Variants in PPP5C observed in about 807,000 individuals in gnomAD.
PPP5C encodes serine/threonine-protein phosphatase 5.
PPP5C carries 21 observed loss-of-function variants against 66.7 expected under a neutral mutation model. The observed-to-expected ratio is 0.31, with a 90% CI of 0.22 to 0.45. The LOEUF is 0.45. Ranked by LOEUF, PPP5C falls within the 20% of genes least tolerant of loss-of-function variation. The pLI is 1.00. For synonymous variants in PPP5C, 246 were observed against 257.4 expected (o/e 0.96, Z 0.43); for missense variants, 464 against 675.9 (o/e 0.69, Z 3.48).
intron 2 of PPP5C, among the ~76,000 whole-genome samples, chr19:46,375,319 C>A (rs1385426832): frequency 4.6e-5 from 7 of 152,208 alleles, no homozygotes; most frequent in Non-Finnish European, 7.3e-5. Context: ...TCTCACAGGG[C>A]ACCTGAAGCT....
intron 2 of PPP5C, among the ~76,000 whole-genome samples, chr19:46,363,020 C>A (rs1231149649): frequency 6.6e-6 from 1 of 151,054 alleles, no homozygotes; most frequent in African/African-American, 2.4e-5. Context: ...ATCTCCTGAC[C>A]TCGTGATCCG....
At chr19:46,387,337 C>T in intron 8 of PPP5C, 29 bp from the exon 9 acceptor site, 1 of 1,607,228 alleles carries the variant, frequency 6.2e-7, no homozygotes, top group Non-Finnish European at 8.5e-7. Context: ...TGGCACCTTC[C>T]CTCACAGCGG....
chr19:46,366,644 T>C (rs896195462), intron 2 of PPP5C, among the ~76,000 whole-genome samples: 1 of 152,120 alleles, frequency 6.6e-6, no homozygotes, highest in Non-Finnish European at 1.5e-5. Context: ...CTGCTTGAGC[T>C]TTTAAAGAAA....
chr19:46,380,031 G>A (rs1382156198), intron 4 of PPP5C, among the ~76,000 whole-genome samples: 3 of 152,128 alleles, frequency 2.0e-5, no homozygotes, highest in Non-Finnish European at 1.5e-5. Context: ...ATGGCCTGGG[G>A]CAGTGGCTCA....
rs770696659 is a variant in PPP5C, at chr19:46,353,968, C to T, written c.342C>T (p.Ala114=). The change falls in exon 2 of 13, where the codon GCC becomes GCT. Residue 114 remains alanine (A), a synonymous_variant. Coordinates refer to ENST00000012443, the MANE Select transcript of PPP5C (RefSeq NM_006247.4). ...ASNMALGKFR[A]ALRDYETVVK... ...ACATGGCACTGGGCAAGTTCCGGGC[C>T]GCGCTGCGAGACTACGAGACGGTGA... The T allele has an allele frequency of 3.9e-5, 63 of 1,610,220 alleles. No homozygotes were observed. The highest frequency in any genetic ancestry group is 1.7e-4 in the Middle Eastern group (1 of 5,874).
chr19:46,364,124 G>T (rs926945253), intron 2 of PPP5C, among the ~76,000 whole-genome samples: 2 of 152,164 alleles, frequency 1.3e-5, no homozygotes, highest in South Asian at 4.2e-4. Flanking sequence ...TCAACAAGAA[G>T]AAAGAGGGAT....
At position 46,390,425 on chromosome 19, in the gene PPP5C, G is replaced by GC. The variant is rs1468742655; in HGVS notation, c.*83dup. The GC allele has an allele frequency of 6.5e-7, 1 of 1,543,620 alleles. No individual in the cohort carries two copies. Among genetic ancestry groups the GC allele is most frequent in the Admixed American group, 2.0e-5 (1 of 50,732 alleles). ...AGGCCCTGGGCTAGGGGCAGAGCAG[G>GC]CCCCGCCCCAGGGCAATGTTGGACC... On this transcript the variant is annotated 3_prime_UTR_variant, in exon 13 of 13. Coordinates refer to ENST00000012443, the MANE Select transcript of PPP5C (RefSeq NM_006247.4).
At chr19:46,368,393 A>G (rs1453737984) in intron 2 of PPP5C, among the ~76,000 whole-genome samples, 1 of 152,244 alleles carries the variant, frequency 6.6e-6, no homozygotes, top group East Asian at 1.9e-4. Flanking sequence ...CCTGTCCGTA[A>G]GACCCACCAG....
At chr19:46,378,870 C>T (rs1177882407) in intron 4 of PPP5C, among the ~76,000 whole-genome samples, 2 of 149,272 alleles carry the variant, frequency 1.3e-5, no homozygotes, top group Admixed American at 6.8e-5. Flanking sequence ...GCCTTTTTAT[C>T]CAGTTGGACA....
intron 1 of PPP5C, among the ~76,000 whole-genome samples, chr19:46,350,320 G>A (rs182453051): frequency 1.3e-5 from 2 of 152,314 alleles, no homozygotes; most frequent in East Asian, 3.9e-4. Flanking sequence ...GGATGAGGCT[G>A]TCTCAGCCAG....
chr19:46,376,783 T>C lies in PPP5C; in HGVS notation c.633+209T>C. 1.6e-6 allele frequency: 1 copy of C among 607,836 alleles called. No individual in the cohort carries two copies. Among genetic ancestry groups the C allele is most frequent in the Admixed American group, 3.3e-5 (1 of 30,470 alleles). 37.7% of individuals were successfully genotyped at this position (607,836 alleles called of 1,614,324 possible). A position where few individuals can be genotyped will look rare whatever the true frequency, so the allele number is the denominator to read the frequency against. The stretch of plus-strand genomic sequence containing the variant: ...TTTGGGGAGGTGGCAGGCAGTGCCA[T>C]TTGACAGATGCAGGGACAAAGGGCC... On this transcript the variant is annotated intron_variant, in intron 4 of 12. Coordinates refer to ENST00000012443, the MANE Select transcript of PPP5C (RefSeq NM_006247.4). The surrounding 1 kb of genome is among the most constrained non-coding windows in gnomAD (Gnocchi z 5.1).
chr19:46,366,611 A>T (rs535129819), intron 2 of PPP5C, among the ~76,000 whole-genome samples: 1 of 152,326 alleles, frequency 6.6e-6, no homozygotes, highest in East Asian at 1.9e-4. Context: ...CCAGGATTAC[A>T]GGTGTGAGGC....
chr19:46,348,485 T>C (rs1320922738), intron 1 of PPP5C, among the ~76,000 whole-genome samples: 1 of 152,090 alleles, frequency 6.6e-6, no homozygotes, highest in Non-Finnish European at 1.5e-5. Context: ...AGATAATTTT[T>C]GTACTTTTAG....
rs1972699862 is a variant in PPP5C at position 46,376,571 on chromosome 19, C to T, written c.630C>T (p.Tyr210=). 2.5e-6 allele frequency: 4 copies of T among 1,613,482 alleles called. No homozygotes were observed. The East Asian group carries it at 6.7e-5, about 27-fold the overall frequency. The part of the protein sequence containing the change: ...DQKKLHRKCA[Y]QILVQVKEVL... The stretch of plus-strand genomic sequence containing the variant: ...AGAAACTGCACCGGAAATGTGCCTA[C>T]CAGGTAATGCATCTGTCAGGTACTG... The change falls in exon 4 of 13, where the codon TAC becomes TAT. Residue 210 remains tyrosine, a synonymous_variant. Coordinates refer to ENST00000012443, the MANE Select transcript of PPP5C (RefSeq NM_006247.4). The surrounding 1 kb of genome is among the most constrained non-coding windows in gnomAD (Gnocchi z 5.1).
chr19:46,362,211 T>G (rs1339141390), intron 2 of PPP5C, among the ~76,000 whole-genome samples: 1 of 152,218 alleles, frequency 6.6e-6, no homozygotes, highest in African/African-American at 2.4e-5. Flanking sequence ...AGCAAAAACC[T>G]AAGAAGCAAG....
chr19:46,353,384 C>T (rs956944916), intron 1 of PPP5C, among the ~76,000 whole-genome samples: 1 of 152,178 alleles, frequency 6.6e-6, no homozygotes, highest in African/African-American at 2.4e-5. Flanking sequence ...CCTCCCCCTG[C>T]CCACTCCACC....
intron 1 of PPP5C, among the ~76,000 whole-genome samples, chr19:46,350,341 G>A: frequency 6.6e-6 from 1 of 152,200 alleles, no homozygotes; most frequent in East Asian, 1.9e-4. Context: ...GTGATGGGGT[G>A]GAAGGTGGAA....
chr19:46,354,030 C>G, intron 2 of PPP5C, 41 bp downstream of exon 2: 1 of 1,601,156 alleles, frequency 6.2e-7, no homozygotes, highest in East Asian at 2.2e-5. Flanking sequence ...CTGAGCCAGG[C>G]AGATACTGAG....
chr19:46,387,257 A>G, intron 8 of PPP5C, 22 bp downstream of exon 8: 1 of 1,614,080 alleles, frequency 6.2e-7, no homozygotes, highest in Non-Finnish European at 8.5e-7. Context: ...GCGAGCCCTG[A>G]GTGTGGGTTC....
Sources: gnomAD v4.1 joint callset for allele counts (sites outside exome capture counted in the v4.1 genomes callset) on GRCh38, gnomAD v4.1.1 for gene constraint, Gnocchi (gnomAD v3.1) non-coding constraint, MANE v1.5 for transcripts, NCBI Gene and HGNC (gene_info 2026-07-23, HGNC 2026-07-21) for gene names.